Variants in OR2H1 observed in about 807,000 individuals in gnomAD.
OR2H1 encodes olfactory receptor 2H1.
For missense variants in OR2H1, 380 were observed against 367.3 expected (o/e 1.03, Z -0.28); for synonymous variants, 155 against 155.2 (o/e 1.00, Z 0.01).
At chr6:29,460,786 T>G (rs1179311638) in intron 3 of OR2H1, 1 of 151,850 alleles carries the variant, frequency 6.6e-6, no homozygotes, top group Non-Finnish European at 1.5e-5. Context: ...TGAATTTTTA[T>G]AAAAATAATG....
chr6:29,462,970 C>T lies in OR2H1; in HGVS notation c.*250C>T. On this transcript the variant is annotated 3_prime_UTR_variant, in exon 4 of 4. Transcript: ENST00000377133. ...CTATCACTGTCCATTCTTAATATTT[C>T]TATCCTCCATTCTGTTCTTTTTACT... The T allele has an allele frequency of 1.9e-6, 1 of 537,856 alleles. No homozygotes were observed. The highest frequency in any genetic ancestry group is 3.4e-6 in the Non-Finnish European group (1 of 296,748). 33.3% of individuals were successfully genotyped at this position (537,856 alleles called of 1,614,324 possible). A position where few individuals can be genotyped will look rare whatever the true frequency, so the allele number is the denominator to read the frequency against.
rs774398652 is a variant in OR2H1 at position 29,462,311 on chromosome 6, C to A, written c.542C>A (p.Ser181Tyr). The change falls in exon 4 of 4, where the codon TCT becomes TAT. Residue 181 changes from serine to tyrosine, a missense_variant. Physicochemically the swap from Ser to Tyr is moderately radical, Grantham distance 144. Transcript: ENST00000377133. ...QIDDFLCEVP[S>Y]LIRLSCGDTS... Reference sequence around the variant, plus strand: ...GATGACTTTTTATGTGAGGTCCCATCTCTGATTCGACTCTCCTGTGGAGAT... The same window carrying A: ...GATGACTTTTTATGTGAGGTCCCATATCTGATTCGACTCTCCTGTGGAGAT... 6 of 1,613,182 alleles carry A rather than the reference C, an allele frequency of 3.7e-6. No individual in the cohort carries two copies. In the Admixed American group the frequency reaches 8.3e-5, roughly 22 times the overall value.
Position 29,462,797 on chromosome 6 carries a change from A to C in OR2H1, c.*77A>C. On this transcript the variant is annotated 3_prime_UTR_variant, in exon 4 of 4. Coordinates refer to ENST00000377133, the MANE Select transcript of OR2H1 (RefSeq NM_030883.5). ...TTTTCCAGACTACTACCCTTCCCAC[A>C]TACACCTGAGCCACTGTGGTGGGTC... 9.5e-7 allele frequency: 1 copy of C among 1,051,688 alleles called. No individual in the cohort carries two copies. The highest frequency in any genetic ancestry group is 1.4e-6 in the Non-Finnish European group (1 of 718,768). 65.1% of individuals were successfully genotyped at this position (1,051,688 alleles called of 1,614,324 possible).
Position 29,461,933 on chromosome 6 carries a change from C to T in OR2H1, c.164C>T (p.Ser55Phe). 6.2e-7 allele frequency: 1 copy of T among 1,613,094 alleles called. No individual in the cohort carries two copies. Among genetic ancestry groups the T allele is most frequent in the Admixed American group, 1.7e-5 (1 of 60,010 alleles). Residue 55 changes from serine to phenylalanine, a missense_variant, in exon 4 of 4, where the codon TCT (serine) becomes TTT (phenylalanine). Physicochemically the swap from Ser to Phe is radical, Grantham distance 155. Coordinates refer to ENST00000377133, the MANE Select transcript of OR2H1 (RefSeq NM_030883.5). ...LLSVLYPRLH[S>F]PMYFFLSDLS... ...TCTGTACTGTACCCCAGGCTCCACT[C>T]TCCAATGTACTTTTTCCTCTCTGAC... is the stretch of plus-strand genomic sequence containing the variant.
At position 29,462,605 on chromosome 6, in the gene OR2H1, G is replaced by C; in HGVS notation, c.836G>C (p.Gly279Ala). The C allele has an allele frequency of 6.2e-7, 1 of 1,612,996 alleles. No homozygotes were observed. Among genetic ancestry groups the C allele is most frequent in the Admixed American group, 1.7e-5 (1 of 60,012 alleles). ...GKFFGLFYAVGTPSLNPLVYT... is the reference protein window; with the variant it reads ...GKFFGLFYAVATPSLNPLVYT... ...TTCTTTGGTCTCTTCTATGCAGTGG[G>C]CACTCCTTCACTTAACCCTCTCGTA... is the stretch of plus-strand genomic sequence containing the variant. The change falls in exon 4 of 4, where the codon GGC becomes GCC. Residue 279 changes from glycine to alanine, a missense_variant. Transcript: ENST00000377133.
At chr6:29,458,985 C>T (rs1046050346) in intron 2 of OR2H1, among the ~76,000 whole-genome samples, 2 of 151,540 alleles carry the variant, frequency 1.3e-5, no homozygotes, top group Non-Finnish European at 2.9e-5. Flanking sequence ...TAGTGCTTGC[C>T]TATTATTGGT....
chr6:29,459,461 C>A (rs1310602412), intron 2 of OR2H1, among the ~76,000 whole-genome samples: 1 of 152,080 alleles, frequency 6.6e-6, no homozygotes, highest in Non-Finnish European at 1.5e-5. Context: ...GGGAACAAAT[C>A]TTATCCTCAA....
At chr6:29,458,960 G>A (rs1485268090) in intron 2 of OR2H1, among the ~76,000 whole-genome samples, 1 of 152,168 alleles carries the variant, frequency 6.6e-6, no homozygotes, top group Non-Finnish European at 1.5e-5. Context: ...TGGAGTTAAT[G>A]GGATGTAGGG....
intron 3 of OR2H1, chr6:29,461,147 T>C (rs1190426269): frequency 2.0e-5 from 3 of 152,184 alleles, no homozygotes; most frequent in Non-Finnish European, 4.4e-5. Context: ...ACAAAATACC[T>C]CATTGATTTT....
In OR2H1 at chr6:29,464,124, A is replaced by T. The variant is rs2151435541; in HGVS notation, c.*1404A>T. 1 of 167,144 alleles carries T rather than the reference A, an allele frequency of 6.0e-6. No individual in the cohort carries two copies. Among genetic ancestry groups the T allele is most frequent in the East Asian group, 1.9e-4 (1 of 5,182 alleles). 10.4% of individuals were successfully genotyped at this position (167,144 alleles called of 1,614,324 possible). ...CTTCTCTTTCTCCTTCACTGCCTCA[A>T]GTTACAGCCAGAGGAAAGGAGGAAC... On this transcript the variant is annotated 3_prime_UTR_variant, in exon 4 of 4. Transcript: ENST00000377133.
chr6:29,461,929 CACTCTCCA>C lies in OR2H1; in HGVS notation c.162_169del (p.Ser55ValfsTer6). 1.2e-6 allele frequency: 2 copies of C among 1,613,080 alleles called. No homozygotes were observed. The highest frequency in any genetic ancestry group is 1.7e-6 in the Non-Finnish European group (2 of 1,180,032). The stretch of plus-strand genomic sequence containing the variant: ...GCTGTCTGTACTGTACCCCAGGCTC[CACTCTCCA>C]ATGTACTTTTTCCTCTCTGACCTCT... On this transcript the variant is annotated frameshift_variant, in exon 4 of 4. Transcript: ENST00000377133. LOFTEE classifies it low-confidence loss of function (END_TRUNC).
At chr6:29,459,170 T>C (rs1439100684) in intron 2 of OR2H1, among the ~76,000 whole-genome samples, 1 of 152,176 alleles carries the variant, frequency 6.6e-6, no homozygotes. Context: ...AGTTTATGGA[T>C]GAATAAAACT....
intron 2 of OR2H1, among the ~76,000 whole-genome samples, chr6:29,459,584 G>A (rs1397956895): frequency 6.6e-6 from 1 of 152,208 alleles, no homozygotes; most frequent in East Asian, 1.9e-4. Flanking sequence ...CTGTGATGCA[G>A]AGGTGATTGT....
chr6:29,462,648 G>A lies in OR2H1; in HGVS notation c.879G>A (p.Lys293=). Reference sequence around the variant, plus strand: ...CTCTCGTATACACCCTGAGGAACAAGGAGATAAAGCGAGCACTCAGGAGGT... The same window carrying A: ...CTCTCGTATACACCCTGAGGAACAAAGAGATAAAGCGAGCACTCAGGAGGT... ...LNPLVYTLRN[K]EIKRALRRLL... The change falls in exon 4 of 4, where the codon AAG becomes AAA. Residue 293 remains lysine, a synonymous_variant. Transcript: ENST00000377133. 6.2e-7 allele frequency: 1 copy of A among 1,613,066 alleles called. No homozygotes were observed. Among genetic ancestry groups the A allele is most frequent in the Non-Finnish European group, 8.5e-7 (1 of 1,180,024 alleles).
intron 1 of OR2H1, among the ~76,000 whole-genome samples, chr6:29,458,172 A>C (rs1786694435): frequency 6.6e-6 from 1 of 152,208 alleles, no homozygotes. Flanking sequence ...GCAATGGTGG[A>C]ATGTGGTTAG....
chr6:29,460,372 ATTTTTTTTTTT>A (rs10651941), intron 2 of OR2H1, 21 bp from the exon 3 acceptor site: 7 of 81,210 alleles, frequency 8.6e-5, no homozygotes, highest in African/African-American at 3.2e-4. Context: ...CACCCCGCTA[ATTTTTTTTTTT>A]TTTTTTTTTT....
rs560700107 is a variant in OR2H1, at chr6:29,462,421, G to T, written c.652G>T (p.Ala218Ser). The T allele has an allele frequency of 6.2e-7, 1 of 1,612,944 alleles. No homozygotes were observed. The highest frequency in any genetic ancestry group is 1.3e-5 in the African/African-American group (1 of 74,896). Residue 218 changes from alanine (A) to serine (S), a missense_variant, in exon 4 of 4, where the codon GCC (alanine) becomes TCC (serine). Coordinates refer to ENST00000377133, the MANE Select transcript of OR2H1 (RefSeq NM_030883.5). ...CAGCCTCATCCTTGCCTCTTATGGA[G>T]CCACTGCCCAGGCAGTGCTGAGGAT... ...PLSLILASYG[A>S]TAQAVLRINS...
rs1249364818 is a variant in OR2H1 at position 29,461,665 on chromosome 6, C to CT, written c.-104dup. 1.2e-6 allele frequency: 1 copy of CT among 835,970 alleles called. No homozygotes were observed. The highest frequency in any genetic ancestry group is 1.7e-5 in the African/African-American group (1 of 58,770). 51.8% of individuals were successfully genotyped at this position (835,970 alleles called of 1,614,324 possible). Reference sequence around the variant, plus strand: ...GTGAGCAGAGACAGAAAAGAAACACCTACCTGCTGTGACCTCACAAACACC... The same window carrying CT: ...GTGAGCAGAGACAGAAAAGAAACACCTTACCTGCTGTGACCTCACAAACACC... On this transcript the variant is annotated 5_prime_UTR_variant, in exon 4 of 4. The change creates a premature stop within an existing upstream ORF in the 5' untranslated region. Transcript: ENST00000377133.
chr6:29,464,036 C>G lies in OR2H1; in HGVS notation c.*1316C>G, dbSNP rs1425232731. The G allele has an allele frequency of 1.2e-5, 2 of 167,088 alleles. No homozygotes were observed. The highest frequency in any genetic ancestry group is 2.9e-5 in the Non-Finnish European group (2 of 68,146). 10.4% of individuals were successfully genotyped at this position (167,088 alleles called of 1,614,324 possible). A position where few individuals can be genotyped will look rare whatever the true frequency, so the allele number is the denominator to read the frequency against. ...GCATTCAACCCCCTGCACATGTCTTCTTTCCTACTTCCTCAAGGTTCTTTC... is the reference window on the plus strand; with the variant it reads ...GCATTCAACCCCCTGCACATGTCTTGTTTCCTACTTCCTCAAGGTTCTTTC... On this transcript the variant is annotated 3_prime_UTR_variant, in exon 4 of 4. Coordinates refer to ENST00000377133, the MANE Select transcript of OR2H1 (RefSeq NM_030883.5).
Sources: gnomAD v4.1 joint callset for allele counts (sites outside exome capture counted in the v4.1 genomes callset) on GRCh38, gnomAD v4.1.1 for gene constraint, MANE v1.5 for transcripts, NCBI Gene and HGNC (gene_info 2026-07-23, HGNC 2026-07-21) for gene names.